Variants in BRINP1 observed in about 807,000 individuals in gnomAD.
BRINP1 encodes the protein BMP/retinoic acid-inducible neural-specific protein 1.
Under a neutral mutation model 72.9 loss-of-function variants are expected in BRINP1, and 17 were observed. That is an observed-to-expected ratio of 0.23 (90% confidence interval 0.16 to 0.35). The LOEUF (loss-of-function observed/expected upper bound fraction) is 0.35, where lower values mean the gene tolerates loss of function less well. Among genes scored for constraint, BRINP1 ranks in the 10% least tolerant of loss-of-function variants. The pLI is 1.00. For missense variants in BRINP1, 850 were observed against 1,001.6 expected, an observed-to-expected ratio of 0.85 and a Z score of 2.04; for synonymous variants, 418 against 378.5, an observed-to-expected ratio of 1.10 and a Z score of -1.21.
intron 7 of BRINP1, among the ~76,000 whole-genome samples, chr9:119,206,419 C>CAA (rs56106482): frequency 0.065 from 5,560 of 85,958 alleles, 556 homozygotes; most frequent in African/African-American, 0.19. Flanking sequence ...GACTCCATCT[C>CAA]AAAAAAAAAA....
chr9:119,234,972 A>T (rs1229775634), intron 5 of BRINP1, among the ~76,000 whole-genome samples: 1 of 152,000 alleles, frequency 6.6e-6, no homozygotes, highest in Non-Finnish European at 1.5e-5. Context: ...CATTCACCCA[A>T]TTGTCTAAAT....
intron 6 of BRINP1, 61 bp from the exon 7 acceptor site, chr9:119,209,002 C>T: frequency 7.2e-7 from 1 of 1,393,418 alleles, no homozygotes; most frequent in East Asian, 2.3e-5. Context: ...TCTAAAGTGG[C>T]CTTGAATGCT....
At chr9:119,174,850 A>C (rs890821393) in intron 7 of BRINP1, among the ~76,000 whole-genome samples, 30 of 151,210 alleles carry the variant, frequency 2.0e-4, no homozygotes, top group Non-Finnish European at 4.0e-4. Context: ...CATCATTCTC[A>C]GTCAACTATC....
intron 1 of BRINP1, among the ~76,000 whole-genome samples, chr9:119,343,004 T>C (rs575581406): frequency 2.0e-5 from 3 of 152,336 alleles, no homozygotes; most frequent in East Asian, 1.9e-4. Flanking sequence ...GTATAATACA[T>C]TGGGCGGATG....
intron 5 of BRINP1, among the ~76,000 whole-genome samples, chr9:119,231,194 A>G (rs1016897631): frequency 5.9e-5 from 9 of 152,110 alleles, no homozygotes; most frequent in African/African-American, 1.9e-4. Context: ...TATGATAGGC[A>G]ATCAAGAAAT....
chr9:119,183,733 T>A (rs1272953040), intron 7 of BRINP1, among the ~76,000 whole-genome samples: 2 of 152,324 alleles, frequency 1.3e-5, no homozygotes, highest in East Asian at 3.9e-4. Flanking sequence ...TTTCTGAAGC[T>A]CTTCTGTTTG....
chr9:119,353,108 C>T (rs190444135), intron 1 of BRINP1, among the ~76,000 whole-genome samples: 1 of 152,344 alleles, frequency 6.6e-6, no homozygotes, highest in African/African-American at 2.4e-5. Flanking sequence ...AGATTCAGAA[C>T]ATCTATTGAT....
intron 1 of BRINP1, among the ~76,000 whole-genome samples, chr9:119,317,943 A>G (rs1831142414): frequency 6.6e-6 from 1 of 152,252 alleles, no homozygotes; most frequent in Admixed American, 6.5e-5. Flanking sequence ...AGGCTACAGG[A>G]TACTGTAAAC....
intron 1 of BRINP1, among the ~76,000 whole-genome samples, chr9:119,329,910 T>C (rs535143784): frequency 1.3e-5 from 2 of 152,274 alleles, no homozygotes; most frequent in Admixed American, 6.5e-5. Context: ...GGTTTCTGAA[T>C]CCACTAGCCA....
chr9:119,354,860 C>A (rs555400715), intron 1 of BRINP1, among the ~76,000 whole-genome samples: 11 of 152,164 alleles, frequency 7.2e-5, no homozygotes, highest in Admixed American at 4.6e-4. Flanking sequence ...CAGAGTGAGA[C>A]CCTGTCTCAG....
intron 2 of BRINP1, among the ~76,000 whole-genome samples, chr9:119,267,398 C>A (rs1200214559): frequency 6.6e-6 from 1 of 152,020 alleles, no homozygotes. Flanking sequence ...ACTCTGGGAG[C>A]CTGAGGTGGG....
intron 1 of BRINP1, among the ~76,000 whole-genome samples, chr9:119,341,492 C>G (rs1831405797): frequency 6.6e-6 from 1 of 152,148 alleles, no homozygotes; most frequent in South Asian, 2.1e-4. Flanking sequence ...CAGTAGAAAG[C>G]AGGACACTCT....
chr9:119,182,963 T>G (rs1176449569), intron 7 of BRINP1, among the ~76,000 whole-genome samples: 1 of 152,204 alleles, frequency 6.6e-6, no homozygotes, highest in Non-Finnish European at 1.5e-5. Flanking sequence ...AATGATATAT[T>G]ACTCAGCAGG....
chr9:119,265,756 C>A (rs968964998), intron 2 of BRINP1, among the ~76,000 whole-genome samples: 2 of 152,060 alleles, frequency 1.3e-5, no homozygotes, highest in African/African-American at 2.4e-5. Flanking sequence ...TAGGTTCAAG[C>A]GTACATGGGC....
intron 1 of BRINP1, among the ~76,000 whole-genome samples, chr9:119,343,494 G>A (rs534714964): frequency 2.0e-5 from 3 of 152,120 alleles, no homozygotes; most frequent in South Asian, 2.1e-4. Flanking sequence ...CTTCTTCAAC[G>A]TGTTTGCTCC....
At chr9:119,186,001 GCCAA>G (rs1317623609) in intron 7 of BRINP1, among the ~76,000 whole-genome samples, 1 of 152,156 alleles carries the variant, frequency 6.6e-6, no homozygotes, top group East Asian at 1.9e-4. Context: ...CCATTCCCCA[GCCAA>G]GCTGCTGCAG....
At chr9:119,356,711 A>T (rs994372550) in intron 1 of BRINP1, among the ~76,000 whole-genome samples, 1 of 152,002 alleles carries the variant, frequency 6.6e-6, no homozygotes, top group Non-Finnish European at 1.5e-5. Flanking sequence ...AGGCTGAGGC[A>T]ATAGAATCGC....
chr9:119,298,451 C>A (rs1002361110), intron 2 of BRINP1, among the ~76,000 whole-genome samples: 10 of 152,102 alleles, frequency 6.6e-5, no homozygotes, highest in African/African-American at 2.4e-4. Context: ...TGCTTAAATT[C>A]TTTTACAGAT....
At chr9:119,276,969 TG>T (rs1830663230) in intron 2 of BRINP1, among the ~76,000 whole-genome samples, 1 of 152,178 alleles carries the variant, frequency 6.6e-6, no homozygotes, top group Admixed American at 6.5e-5. Flanking sequence ...AATCTACTTT[TG>T]TAATCAAAAG....
Sources: allele counts gnomAD v4.1 joint callset (sites outside exome capture counted in the v4.1 genomes callset), GRCh38; gene constraint gnomAD v4.1.1; transcripts MANE v1.5; gene names NCBI Gene and HGNC (gene_info 2026-07-23, HGNC 2026-07-21).